JHY: variants seen among roughly 807,000 people sequenced by gnomAD.
JHY encodes jhy protein homolog.
A neutral mutation model predicts 78.0 loss-of-function variants in JHY; 69 were observed. That is an observed-to-expected ratio of 0.88 (90% CI 0.73 to 1.08). JHY has a LOEUF of 1.08. Among genes scored for constraint, JHY ranks in the 50% least tolerant of loss-of-function variants. The pLI is 0.00. For missense variants in JHY, 944 were observed against 927.8 expected, an observed-to-expected ratio of 1.02 and a Z score of -0.23; for synonymous variants, 368 against 342.6, an observed-to-expected ratio of 1.07 and a Z score of -0.82.
At chr11:122,910,484 CA>C (rs1405074380) in intron 3 of JHY, among the ~76,000 whole-genome samples, 1 of 151,222 alleles carries the variant, frequency 6.6e-6, no homozygotes, top group Non-Finnish European at 1.5e-5. Flanking sequence ...AAAAAAAAAC[CA>C]AAAAACAGTG....
chr11:122,928,896 C>A (rs1205813779), intron 4 of JHY, among the ~76,000 whole-genome samples: 1 of 152,050 alleles, frequency 6.6e-6, no homozygotes, highest in African/African-American at 2.4e-5. Context: ...GATCCGCCCG[C>A]CTCGGCCTCC....
At chr11:122,923,987 T>C (rs765670353) in intron 3 of JHY, among the ~76,000 whole-genome samples, 1 of 148,564 alleles carries the variant, frequency 6.7e-6, no homozygotes, top group Non-Finnish European at 1.5e-5. Flanking sequence ...TCCACCCACC[T>C]TGGCTTCCCA....
intron 6 of JHY, among the ~76,000 whole-genome samples, chr11:122,948,442 TTAATAATAATAATAATAATAA>T (rs10527069): frequency 7.0e-6 from 1 of 143,502 alleles, no homozygotes; most frequent in East Asian, 2.0e-4. Flanking sequence ...AAACTTTGTC[TTAATAATAATAATAATAATAA>T]TAATAATAAT....
chr11:122,914,815 T>C (rs1178534334), intron 3 of JHY, among the ~76,000 whole-genome samples: 2 of 152,180 alleles, frequency 1.3e-5, no homozygotes, highest in Non-Finnish European at 2.9e-5. Flanking sequence ...AGGAACTCTA[T>C]AGATGTTCAT....
chr11:122,941,255 G>A (rs1863869459), intron 5 of JHY, among the ~76,000 whole-genome samples: 1 of 152,134 alleles, frequency 6.6e-6, no homozygotes. Flanking sequence ...GAAAATACCT[G>A]TACCTGAACC....
chr11:122,942,713 C>T (rs993728286), intron 5 of JHY, among the ~76,000 whole-genome samples: 9 of 152,164 alleles, frequency 5.9e-5, no homozygotes, highest in Non-Finnish European at 8.8e-5. Flanking sequence ...CATGAGCCAA[C>T]GTGCCCAGCC....
intron 2 of JHY, among the ~76,000 whole-genome samples, chr11:122,890,195 C>G (rs577626823): frequency 1.3e-5 from 2 of 152,120 alleles, no homozygotes; most frequent in Non-Finnish European, 2.9e-5. Flanking sequence ...GTAACAACAG[C>G]TAGCATTTAT....
intron 6 of JHY, 41 bp downstream of exon 6, chr11:122,946,833 T>G: frequency 6.4e-7 from 1 of 1,563,398 alleles, no homozygotes; most frequent in Non-Finnish European, 8.6e-7. Flanking sequence ...TCTTCCATTT[T>G]GAGAATACAG....
In JHY at chr11:122,934,520, G is replaced by T. The variant is rs1043340496; in HGVS notation, c.1079G>T (p.Arg360Ile). ...GTGAATGACCATCAACCTTCCAGAA[G>T]ACCAGCCAAGCTCAAGATTCGAAAG... Reference protein sequence around the residue: ...DMVNDHQPSRRPAKLKIRKQC... With the variant: ...DMVNDHQPSRIPAKLKIRKQC... The change falls in exon 5 of 9, where the codon AGA (arginine) becomes ATA (isoleucine). Residue 360 changes from arginine to isoleucine, a missense_variant. Coordinates refer to ENST00000227349, the MANE Select transcript of JHY (RefSeq NM_024806.4). The T allele has an allele frequency of 1.2e-6, 2 of 1,613,890 alleles. No individual in the cohort carries two copies. The highest frequency in any genetic ancestry group is 1.7e-6 in the Non-Finnish European group (2 of 1,180,028).
intron 6 of JHY, 41 bp from the exon 7 acceptor site, chr11:122,956,455 C>T: frequency 6.3e-7 from 1 of 1,588,394 alleles, no homozygotes; most frequent in South Asian, 1.1e-5. Context: ...GGGGGACACA[C>T]AAGTCCTTAA....
chr11:122,946,600 C>T lies in JHY; in HGVS notation c.1737C>T (p.Thr579=), dbSNP rs758051837. The T allele has an allele frequency of 4.9e-5, 79 of 1,613,854 alleles. No individual in the cohort carries two copies. Among genetic ancestry groups the T allele is most frequent in the Middle Eastern group, 3.3e-4 (2 of 6,084 alleles). The change falls in exon 6 of 9, where the codon ACC becomes ACT. Residue 579 remains threonine, a synonymous_variant. Transcript: ENST00000227349. ...EQHQQALVQL[T]DVQPSEGALS... ...ATCAGCAAGCCTTGGTGCAGCTGAC[C>T]GACGTGCAGCCCAGTGAAGGGGCCT...
Position 122,904,012 on chromosome 11 carries a change from G to A in JHY, c.432G>A (p.Val144=). The change falls in exon 3 of 9, where the codon GTG becomes GTA. Residue 144 remains valine, a synonymous_variant. Coordinates refer to ENST00000227349, the MANE Select transcript of JHY (RefSeq NM_024806.4). ...AGGAGGAAGGGCAGCTGCTGTCTGT[G>A]GAAGCGTTGCCGGAGTCCACGGACA... ...SKKEEGQLLS[V]EALPESTDSS... 6.2e-7 allele frequency: 1 copy of A among 1,614,200 alleles called. No individual in the cohort carries two copies. The highest frequency in any genetic ancestry group is 1.3e-5 in the African/African-American group (1 of 75,062).
At chr11:122,906,109 C>G (rs75136617) in intron 3 of JHY, among the ~76,000 whole-genome samples, 2,153 of 152,108 alleles carry the variant, frequency 0.014, 29 homozygotes, top group Non-Finnish European at 0.021. Context: ...TACTCTTGTT[C>G]CATAAAACTT....
Position 122,905,053 on chromosome 11 carries a change from A to G in JHY, c.864+609A>G, listed in dbSNP as rs574267706. 3.6e-6 allele frequency: 3 copies of G among 827,934 alleles called. No homozygotes were observed. The African/African-American group carries it at 5.2e-5, about 14-fold the overall frequency. 51.3% of individuals were successfully genotyped at this position (827,934 alleles called of 1,614,324 possible). A position where few individuals can be genotyped will look rare whatever the true frequency, so the allele number is the denominator to read the frequency against. Reference sequence around the variant, plus strand: ...TTTCAATCTTCAGATGTTTCTATAAACCCCATTGAAAATCACATCATTTGT... The same window carrying G: ...TTTCAATCTTCAGATGTTTCTATAAGCCCCATTGAAAATCACATCATTTGT... On this transcript the variant is annotated intron_variant, in intron 3 of 8. Transcript: ENST00000227349.
chr11:122,930,198 A>G (rs1187577065), intron 4 of JHY, among the ~76,000 whole-genome samples: 1 of 152,154 alleles, frequency 6.6e-6, no homozygotes, highest in African/African-American at 2.4e-5. Context: ...CTCCTGCCTC[A>G]GCATCCCGAG....
chr11:122,960,807 C>G lies in JHY; in HGVS notation c.*1362C>G. 1 of 574,668 alleles carries G rather than the reference C, an allele frequency of 1.7e-6. No individual in the cohort carries two copies. Among genetic ancestry groups the G allele is most frequent in the South Asian group, 1.6e-5 (1 of 62,392 alleles). 35.6% of individuals were successfully genotyped at this position (574,668 alleles called of 1,614,324 possible). ...TGATTTGGAGAAGTCGCAGCGCTCA[C>G]TGGTTCAGAAGCGCCATTACCTTTT... On this transcript the variant is annotated 3_prime_UTR_variant, in exon 9 of 9. Transcript: ENST00000227349.
At chr11:122,909,444 C>T (rs1050770992) in intron 3 of JHY, among the ~76,000 whole-genome samples, 2 of 152,140 alleles carry the variant, frequency 1.3e-5, no homozygotes, top group Non-Finnish European at 2.9e-5. Flanking sequence ...CCTCAGTCTC[C>T]TCATCTTTAA....
Position 122,892,409 on chromosome 11 carries a change from G to A in JHY, c.344+6216G>A, listed in dbSNP as rs539244232. ...GCGATCTTGGCTCACTGCAACCTCC[G>A]CCTCCTGGGTTCAAGCAATTCTCCT... is the stretch of plus-strand genomic sequence containing the variant. On this transcript the variant is annotated intron_variant, in intron 2 of 8. Transcript: ENST00000227349. Among the ~76,000 whole-genome samples, 20 of 151,386 alleles carry A rather than the reference G, an allele frequency of 1.3e-4. 1 individual carries two copies. The highest frequency in any genetic ancestry group is 5.9e-4 in the East Asian group (3 of 5,126).
chr11:122,902,880 G>A (rs1364131439), intron 2 of JHY, among the ~76,000 whole-genome samples: 1 of 152,194 alleles, frequency 6.6e-6, no homozygotes, highest in Non-Finnish European at 1.5e-5. Flanking sequence ...TTCGACATGA[G>A]ATTTGGGTGG....
Sources: gnomAD v4.1 joint callset for allele counts (sites outside exome capture counted in the v4.1 genomes callset) on GRCh38, gnomAD v4.1.1 for gene constraint, MANE v1.5 for transcripts, NCBI Gene and HGNC (gene_info 2026-07-23, HGNC 2026-07-21) for gene names.